Variants in VWC2 observed in about 807,000 individuals in gnomAD.
The protein encoded by VWC2 is brorin.
Under a neutral mutation model 29.8 loss-of-function variants are expected in VWC2, and 14 were observed. That is an observed-to-expected ratio of 0.47 (90% confidence interval 0.31 to 0.74). The LOEUF is 0.74. VWC2 is among the 30% of genes least tolerant of loss of function. VWC2 has a pLI of 0.05. For missense variants in VWC2, 457 were observed against 459.8 expected (o/e 0.99, Z 0.05); for synonymous variants, 213 against 199.0 (o/e 1.07, Z -0.59).
intron 3 of VWC2, chr7:49,850,415 C>A (rs1467854106): frequency 6.6e-6 from 1 of 152,262 alleles, no homozygotes; most frequent in Non-Finnish European, 1.5e-5. Flanking sequence ...AAGAGGCCTC[C>A]TGTCTTCCTG....
intron 3 of VWC2, among the ~76,000 whole-genome samples, chr7:49,882,341 A>G (rs921720213): frequency 6.6e-6 from 1 of 152,210 alleles, no homozygotes; most frequent in Non-Finnish European, 1.5e-5. Context: ...ATAAAAAGCA[A>G]ATTAGAAAAA....
intron 3 of VWC2, among the ~76,000 whole-genome samples, chr7:49,907,380 G>C (rs778643530): frequency 1.3e-5 from 2 of 152,064 alleles, no homozygotes; most frequent in Non-Finnish European, 2.9e-5. Flanking sequence ...AAAATATGCT[G>C]GCTCTAAGAA....
chr7:49,881,070 G>C (rs1791642368), intron 3 of VWC2, among the ~76,000 whole-genome samples: 2 of 152,064 alleles, frequency 1.3e-5, no homozygotes, highest in Admixed American at 6.6e-5. Flanking sequence ...CCAATATCTT[G>C]CCCTATCTTG....
chr7:49,867,445 G>A (rs1456056199), intron 3 of VWC2, among the ~76,000 whole-genome samples: 2 of 152,170 alleles, frequency 1.3e-5, no homozygotes, highest in East Asian at 3.8e-4. Flanking sequence ...GAGAGGCGGA[G>A]GTGGGCCTCC....
At chr7:49,897,086 G>A (rs950582037) in intron 3 of VWC2, among the ~76,000 whole-genome samples, 2 of 151,580 alleles carry the variant, frequency 1.3e-5, no homozygotes, top group East Asian at 1.9e-4. Context: ...TAGTAGAGAC[G>A]GGGTTTCACC....
At chr7:49,822,995 ATG>A (rs1311081304) in intron 3 of VWC2, among the ~76,000 whole-genome samples, 1 of 152,118 alleles carries the variant, frequency 6.6e-6, no homozygotes, top group African/African-American at 2.4e-5. Context: ...GTGTAGAAAT[ATG>A]TTTATATTTG....
chr7:49,921,960 T>C (rs1323012782), downstream of VWC2: 1 of 152,200 alleles, frequency 6.6e-6, no homozygotes, highest in South Asian at 2.1e-4. Context: ...AGTTTTGCAC[T>C]TCCAGGTAGA....
At position 49,817,074 on chromosome 7, in the gene VWC2, A is replaced by G. The variant is rs74891795; in HGVS notation, c.826+14234A>G. Among the ~76,000 whole-genome samples the G allele has an allele frequency of 3.1e-3, 472 of 152,312 alleles. 3 individuals carry two copies. The highest frequency in any genetic ancestry group is 0.011 in the African/African-American group (453 of 41,574). On this transcript the variant is annotated intron_variant, in intron 3 of 3. Transcript: ENST00000340652. ...CTCTAAGACTTGTTGCCTGAACACT[A>G]TGGCAGTTTGCCCAGTCTCAGGCAG...
rs1473522971 is a variant in VWC2 at position 49,921,922 on chromosome 7, T to C, written c.*9737T>C. ...TGGATGGGTATGTGTATTGACCTGA[T>C]TTATAAAATAAAGTATTTATTAAAC... On this transcript the variant is annotated 3_prime_UTR_variant, in exon 4 of 4. Coordinates refer to ENST00000340652, the MANE Select transcript of VWC2 (RefSeq NM_198570.5). The C allele has an allele frequency of 6.6e-6, 1 of 152,166 alleles. No homozygotes were observed. The highest frequency in any genetic ancestry group is 1.5e-5 in the Non-Finnish European group (1 of 68,022). The allele number at this position is 152,166 out of a possible 1,614,324, so 9.4% of individuals were successfully genotyped here.
At chr7:49,876,538 C>T (rs891988955) in intron 3 of VWC2, among the ~76,000 whole-genome samples, 3 of 152,164 alleles carry the variant, frequency 2.0e-5, no homozygotes, top group South Asian at 4.1e-4. Context: ...ATGCTGCTGA[C>T]ATGATTCATA....
intron 3 of VWC2, among the ~76,000 whole-genome samples, chr7:49,863,853 G>A (rs745450708): frequency 2.6e-5 from 4 of 152,094 alleles, no homozygotes; most frequent in East Asian, 1.9e-4. Context: ...TTAGATTATC[G>A]ATTTGAGATC....
chr7:49,784,818 T>G (rs1359172417), intron 2 of VWC2, among the ~76,000 whole-genome samples: 2 of 152,152 alleles, frequency 1.3e-5, no homozygotes, highest in Non-Finnish European at 2.9e-5. Context: ...ACGGGGTGAA[T>G]GCACCCTTCA....
chr7:49,899,251 T>C (rs1295877949), intron 3 of VWC2, among the ~76,000 whole-genome samples: 1 of 152,012 alleles, frequency 6.6e-6, no homozygotes, highest in Admixed American at 6.5e-5. Context: ...AAGAATATGC[T>C]AGACAAGGGG....
intron 3 of VWC2, among the ~76,000 whole-genome samples, chr7:49,881,780 T>G (rs971894537): frequency 6.6e-6 from 1 of 152,156 alleles, no homozygotes; most frequent in Non-Finnish European, 1.5e-5. Flanking sequence ...AAATATAGAT[T>G]GAAATCACTT....
At chr7:49,826,193 G>A (rs1039380336) in intron 3 of VWC2, among the ~76,000 whole-genome samples, 3 of 152,024 alleles carry the variant, frequency 2.0e-5, no homozygotes, top group Non-Finnish European at 4.4e-5. Flanking sequence ...CTTCTGTCTG[G>A]TTTTCATCAC....
intron 3 of VWC2, among the ~76,000 whole-genome samples, chr7:49,883,311 G>A (rs1392749132): frequency 2.0e-5 from 3 of 152,018 alleles, no homozygotes; most frequent in Non-Finnish European, 2.9e-5. Context: ...AAACCAGGCC[G>A]AGTTAGCAAG....
intron 3 of VWC2, among the ~76,000 whole-genome samples, chr7:49,875,912 A>G (rs1739630300): frequency 6.6e-6 from 1 of 152,192 alleles, no homozygotes; most frequent in Admixed American, 6.5e-5. Flanking sequence ...TATGATATCT[A>G]ATAAATAGTG....
rs1790082753 is a variant in VWC2, at chr7:49,849,311, AG to A, written c.826+46472del. Among the ~76,000 whole-genome samples, 5 of 152,316 alleles carry A rather than the reference AG, an allele frequency of 3.3e-5. No individual in the cohort carries two copies. The South Asian group carries it at 1.0e-3, about 32-fold the overall frequency. Reference sequence around the variant, plus strand: ...GCTAGTTTTATTAAATCTGCTCAAAAGTAATTCCTTTGATGAACTGGCTGGG... The same window carrying A: ...GCTAGTTTTATTAAATCTGCTCAAAATAATTCCTTTGATGAACTGGCTGGG... On this transcript the variant is annotated intron_variant, in intron 3 of 3. Transcript: ENST00000340652.
intron 2 of VWC2, among the ~76,000 whole-genome samples, chr7:49,781,190 T>C (rs79938033): frequency 1.1e-3 from 174 of 152,336 alleles, no homozygotes; most frequent in African/African-American, 4.1e-3. Context: ...GAGTAAGATT[T>C]TGTAAATTCT....
Sources: gnomAD v4.1 joint callset for allele counts (sites outside exome capture counted in the v4.1 genomes callset) on GRCh38, gnomAD v4.1.1 for gene constraint, MANE v1.5 for transcripts, NCBI Gene and HGNC (gene_info 2026-07-23, HGNC 2026-07-21) for gene names.